Variants in GGN observed in about 807,000 individuals in gnomAD.
GGN encodes the protein gametogenetin.
Under a neutral mutation model 35.5 loss-of-function variants are expected in GGN, and 27 were observed. The ratio of observed to expected loss-of-function variants is 0.76; its 90% CI spans 0.56 to 1.05. The LOEUF (loss-of-function observed/expected upper bound fraction) is 1.05, where lower values mean the gene tolerates loss of function less well. GGN is among the 50% of genes least tolerant of loss of function. The pLI is 0.00. For missense variants in GGN, 1,006 were observed against 940.7 expected, an observed-to-expected ratio of 1.07 and a Z score of -0.91; for synonymous variants, 425 against 444.1, an observed-to-expected ratio of 0.96 and a Z score of 0.54.
rs1488954157 is a variant in GGN, at chr19:38,386,870, C to T, written c.392G>A (p.Arg131His). The T allele has an allele frequency of 6.3e-7, 1 of 1,586,310 alleles. No individual in the cohort carries two copies. The highest frequency in any genetic ancestry group is 8.6e-7 in the Non-Finnish European group (1 of 1,166,940). The stretch of plus-strand genomic sequence containing the variant: ...GAGGCTCGGAGGGTCGCCCTGGCCG[C>T]GATGGCTCGCCTCCAGCAGGCGGCG... ...RIRRLLEASHRGQGDPPSLRP... is the reference protein window; with the variant it reads ...RIRRLLEASHHGQGDPPSLRP... The change falls in exon 3 of 4, where the codon CGC becomes CAC. Residue 131 changes from arginine to histidine, a missense_variant. Coordinates refer to ENST00000334928, the MANE Select transcript of GGN (RefSeq NM_152657.4).
Position 38,386,831 on chromosome 19 carries a change from G to A in GGN, c.431C>T (p.Pro144Leu). The A allele has an allele frequency of 5.0e-6, 8 of 1,606,154 alleles. No homozygotes were observed. The highest frequency in any genetic ancestry group is 6.8e-6 in the Non-Finnish European group (8 of 1,175,930). ...GDPPSLRPLK[P>L]PPPPRQLSVK... is the part of the protein sequence containing the mutation. The stretch of plus-strand genomic sequence containing the variant: ...GGATAGTTGCCGGGGCGGCGGCGGC[G>A]GCTTCAGCGGGCGGAGGCTCGGAGG... The change falls in exon 3 of 4, where the codon CCG (proline) becomes CTG (leucine). Residue 144 changes from proline (P) to leucine (L), a missense_variant. Pro to Leu is a moderately conservative substitution (Grantham distance 98). Coordinates refer to ENST00000334928, the MANE Select transcript of GGN (RefSeq NM_152657.4).
chr19:38,386,573 G>A lies in GGN; in HGVS notation c.689C>T (p.Ala230Val). ...ACCGGACTCGGAATCCGCAGGCTGG[G>A]CCATTTCGCCTTCGCCCGCATGGGG... ...APPHAGEGEM[A>V]QPADSESGLS... is the part of the protein sequence containing the mutation. Residue 230 changes from alanine (A) to valine (V), a missense_variant, in exon 3 of 4, where the codon GCC becomes GTC. Physicochemically the swap from Ala to Val is moderately conservative, Grantham distance 64 (BLOSUM62 0). Coordinates refer to ENST00000334928, the MANE Select transcript of GGN (RefSeq NM_152657.4). 1.9e-6 allele frequency: 3 copies of A among 1,613,616 alleles called. No homozygotes were observed. Among genetic ancestry groups the A allele is most frequent in the Non-Finnish European group, 1.7e-6 (2 of 1,179,910 alleles).
upstream of GGN, among the ~76,000 whole-genome samples, chr19:38,388,234 C>T (rs1970766913): frequency 6.6e-6 from 1 of 152,160 alleles, no homozygotes; most frequent in Admixed American, 6.5e-5. Flanking sequence ...TTCTCAAGAC[C>T]CTCTCCTTCC....
chr19:38,385,744 C>T lies in GGN; in HGVS notation c.1518G>A (p.Glu506=), dbSNP rs753524931. Residue 506 remains glutamate (E), a synonymous_variant, in exon 3 of 4, where the codon GAG becomes GAA. Coordinates refer to ENST00000334928, the MANE Select transcript of GGN (RefSeq NM_152657.4). ...PSPAPAPTVA[E]PSPPVSAPAP... is the part of the protein sequence containing the mutation. ...CGGGCGCGGACACAGGCGGCGAGGGCTCAGCCACGGTGGGAGCTGGAGCCG... is the reference window on the plus strand; with the variant it reads ...CGGGCGCGGACACAGGCGGCGAGGGTTCAGCCACGGTGGGAGCTGGAGCCG... The T allele has an allele frequency of 6.2e-7, 1 of 1,601,640 alleles. No homozygotes were observed. Among genetic ancestry groups the T allele is most frequent in the East Asian group, 2.2e-5 (1 of 44,572 alleles).
rs1016193144 is a variant in GGN, at chr19:38,386,363, C to T, written c.899G>A (p.Arg300His). 11 of 1,612,742 alleles carry T rather than the reference C, an allele frequency of 6.8e-6. No individual in the cohort carries two copies. In the African/African-American group the frequency reaches 1.5e-4, roughly 22 times the overall value. Reference sequence around the variant, plus strand: ...CCCTCGAGAAACCTCTCCCAAGGGGCGAGCGGCTCCAGGAGGCAGGGGCCC... The same window carrying T: ...CCCTCGAGAAACCTCTCCCAAGGGGTGAGCGGCTCCAGGAGGCAGGGGCCC... ...KQGPLPPGAA[R>H]PLGEVSRGAQ... Residue 300 changes from arginine (R) to histidine (H), a missense_variant, in exon 3 of 4, where the codon CGC becomes CAC. Arg to His is a conservative substitution (Grantham distance 29). Transcript: ENST00000334928.
chr19:38,386,620 G>T lies in GGN; in HGVS notation c.642C>A (p.Gly214=), dbSNP rs1970729659. 6.2e-7 allele frequency: 1 copy of T among 1,612,740 alleles called. No homozygotes were observed. The highest frequency in any genetic ancestry group is 1.7e-5 in the Admixed American group (1 of 59,920). The change falls in exon 3 of 4, where the codon GGC becomes GGA. Residue 214 remains glycine (G), a synonymous_variant. Coordinates refer to ENST00000334928, the MANE Select transcript of GGN (RefSeq NM_152657.4). ...AGPRNQGQTA[G]RARGGAPPHA... ...GGGGAGGCGCCCCTCCGCGAGCCCT[G>T]CCGGCCGTCTGGCCCTGGTTGCGGG... is the stretch of plus-strand genomic sequence containing the variant.
In GGN at chr19:38,385,740, A is replaced by G. The variant is rs908555197; in HGVS notation, c.1522T>C (p.Ser508Pro). Reference sequence around the variant, plus strand: ...GGTGCGGGCGCGGACACAGGCGGCGAGGGCTCAGCCACGGTGGGAGCTGGA... The same window carrying G: ...GGTGCGGGCGCGGACACAGGCGGCGGGGGCTCAGCCACGGTGGGAGCTGGA... The part of the protein sequence containing the change: ...PAPAPTVAEP[S>P]PPVSAPAPAA... Residue 508 changes from serine (S) to proline (P), a missense_variant, in exon 3 of 4, where the codon TCG (serine) becomes CCG (proline). Physicochemically the swap from Ser to Pro is moderately conservative, Grantham distance 74. Transcript: ENST00000334928. 2.9e-5 allele frequency: 46 copies of G among 1,565,500 alleles called. No homozygotes were observed. Among genetic ancestry groups the G allele is most frequent in the Non-Finnish European group, 3.6e-5 (42 of 1,154,430 alleles).
chr19:38,385,816 A>G lies in GGN; in HGVS notation c.1446T>C (p.Pro482=). 1.3e-6 allele frequency: 2 copies of G among 1,526,360 alleles called. No homozygotes were observed. Among genetic ancestry groups the G allele is most frequent in the Non-Finnish European group, 8.7e-7 (1 of 1,143,876 alleles). 94.6% of individuals were successfully genotyped at this position (1,526,360 alleles called of 1,614,324 possible). The change falls in exon 3 of 4, where the codon CCT becomes CCC. Residue 482 remains proline, a synonymous_variant. Coordinates refer to ENST00000334928, the MANE Select transcript of GGN (RefSeq NM_152657.4). ...CGGCGGCTAAGGCTGGGGGCAGAGCAGGGGCTGCGGTGGGAGCCAGGGCTG... is the reference window on the plus strand; with the variant it reads ...CGGCGGCTAAGGCTGGGGGCAGAGCGGGGGCTGCGGTGGGAGCCAGGGCTG... ...KESALAPTAA[P]ALPPALAADQ...
At position 38,386,005 on chromosome 19, in the gene GGN, T is replaced by TG. The variant is rs757719258; in HGVS notation, c.1256dup (p.Ala420SerfsTer87). On this transcript the variant is annotated frameshift_variant, in exon 3 of 4. Transcript: ENST00000334928. LOFTEE classifies it high-confidence loss of function. The stretch of plus-strand genomic sequence containing the variant: ...GCATGGGCTCGCCATTGGTGGGTGC[T>TG]GGGAAGATGAACGTAGGCGGCGCCA... 1.9e-6 allele frequency: 3 copies of TG among 1,607,522 alleles called. No homozygotes were observed. In the Admixed American group the frequency reaches 5.1e-5, roughly 27 times the overall value.
Position 38,386,912 on chromosome 19 carries a change from G to T in GGN, c.350C>A (p.Thr117Asn). 1 of 1,554,854 alleles carries T rather than the reference G, an allele frequency of 6.4e-7. No homozygotes were observed. Among genetic ancestry groups the T allele is most frequent in the Non-Finnish European group, 8.7e-7 (1 of 1,150,456 alleles). The change falls in exon 3 of 4, where the codon ACT (threonine) becomes AAT (asparagine). Residue 117 changes from threonine (T) to asparagine (N), a missense_variant. By Grantham distance (65) the Thr-to-Asn change is moderately conservative. Coordinates refer to ENST00000334928, the MANE Select transcript of GGN (RefSeq NM_152657.4). ...GPSKWQKPAG[T>N]PVPRIRRLLE... Reference sequence around the variant, plus strand: ...CAGGCGGCGGATCCGGGGAACTGGAGTGCCCGCGGGCTTTTGCCATTTAGA... The same window carrying T: ...CAGGCGGCGGATCCGGGGAACTGGATTGCCCGCGGGCTTTTGCCATTTAGA...
chr19:38,386,850 T>G lies in GGN; in HGVS notation c.412A>C (p.Ser138Arg), dbSNP rs751720807. Residue 138 changes from serine (S) to arginine (R), a missense_variant, in exon 3 of 4, where the codon AGC becomes CGC. Physicochemically the swap from Ser to Arg is moderately radical, Grantham distance 110. Coordinates refer to ENST00000334928, the MANE Select transcript of GGN (RefSeq NM_152657.4). ...ASHRGQGDPP[S>R]LRPLKPPPPP... is the part of the protein sequence containing the mutation. ...GGCGGCGGCTTCAGCGGGCGGAGGC[T>G]CGGAGGGTCGCCCTGGCCGCGATGG... 1.1e-5 allele frequency: 18 copies of G among 1,600,752 alleles called. No homozygotes were observed. Among genetic ancestry groups the G allele is most frequent in the Non-Finnish European group, 2.6e-6 (3 of 1,173,346 alleles).
Position 38,385,677 on chromosome 19 carries a change from T to C in GGN, c.1585A>G (p.Lys529Glu). 1 of 1,613,590 alleles carries C rather than the reference T, an allele frequency of 6.2e-7. No homozygotes were observed. The highest frequency in any genetic ancestry group is 1.1e-5 in the South Asian group (1 of 91,080). ...GCGCCCCGGGCTGCACGGGAACCCTTGTTCCTGCGCGTGCGGGTCTTGATG... is the reference window on the plus strand; with the variant it reads ...GCGCCCCGGGCTGCACGGGAACCCTCGTTCCTGCGCGTGCGGGTCTTGATG... The part of the protein sequence containing the change: ...APIKTRTRRN[K>E]GSRAARGATR... The change falls in exon 3 of 4, where the codon AAG becomes GAG. Residue 529 changes from lysine to glutamate, a missense_variant. By Grantham distance (56) the Lys-to-Glu change is moderately conservative. Transcript: ENST00000334928.
chr19:38,387,214 T>G lies in GGN; in HGVS notation c.48A>C (p.Lys16Asn). ...CGGGGGCGCGGTCCGAGGGCTGCACTTTTCGGGAGCCCCCGCCCGCGGATG... is the reference window on the plus strand; with the variant it reads ...CGGGGGCGCGGTCCGAGGGCTGCACGTTTCGGGAGCCCCCGCCCGCGGATG... ...SEPSAGGGSR[K>N]VQPSDRAPDS... is the part of the protein sequence containing the mutation. The change falls in exon 3 of 4, where the codon AAA (lysine) becomes AAC (asparagine). Residue 16 changes from lysine (K) to asparagine (N), a missense_variant. Transcript: ENST00000334928. This position sits in a 1 kb window ranked among gnomAD's most constrained non-coding sequence, Gnocchi z 5.3. 1 of 1,595,782 alleles carries G rather than the reference T, an allele frequency of 6.3e-7. No individual in the cohort carries two copies. The highest frequency in any genetic ancestry group is 8.5e-7 in the Non-Finnish European group (1 of 1,172,126).
Position 38,385,501 on chromosome 19 carries a change from C to T in GGN, c.1761G>A (p.Gln587=), listed in dbSNP as rs368901864. ...TRAARHWLPF[Q]VLNSCPCKCY... ...ACTTGCAGGGACAGGAGTTAAGCAC[C>T]TGGAAGGGCAGCCAGTGGCGCGCAG... The change falls in exon 3 of 4, where the codon CAG becomes CAA. Residue 587 remains glutamine (Q), a synonymous_variant. Coordinates refer to ENST00000334928, the MANE Select transcript of GGN (RefSeq NM_152657.4). 9.3e-6 allele frequency: 15 copies of T among 1,613,984 alleles called. No homozygotes were observed. The highest frequency in any genetic ancestry group is 1.7e-5 in the Admixed American group (1 of 60,006).
rs764417532 is a variant in GGN at position 38,386,969 on chromosome 19, G to A, written c.293C>T (p.Pro98Leu). 9 of 1,541,290 alleles carry A rather than the reference G, an allele frequency of 5.8e-6. No homozygotes were observed. The highest frequency in any genetic ancestry group is 7.9e-6 in the Non-Finnish European group (9 of 1,144,028). ...EEAAAVSAPP[P>L]APAGTLLPGP... ...GGGCAGCAGAGTCCCCGCGGGGGCC[G>A]GGGGTGGTGCAGAGACCGCGGCCGC... The change falls in exon 3 of 4, where the codon CCG becomes CTG. Residue 98 changes from proline (P) to leucine (L), a missense_variant. Physicochemically the swap from Pro to Leu is moderately conservative, Grantham distance 98. Coordinates refer to ENST00000334928, the MANE Select transcript of GGN (RefSeq NM_152657.4).
Position 38,386,450 on chromosome 19 carries a change from C to T in GGN, c.812G>A (p.Gly271Asp), listed in dbSNP as rs1325032311. 1.9e-6 allele frequency: 3 copies of T among 1,612,862 alleles called. No homozygotes were observed. The highest frequency in any genetic ancestry group is 2.5e-6 in the Non-Finnish European group (3 of 1,179,990). ...SLAAKASLGG[G>D]GGGGLFAASG... ...GGCAGCAAAGAGGCCGCCGCCTCCG[C>T]CGCCCCCCAGCGAAGCTTTGGCTGC... Residue 271 changes from glycine (G) to aspartate (D), a missense_variant, in exon 3 of 4, where the codon GGC (glycine) becomes GAC (aspartate). By Grantham distance (94) the Gly-to-Asp change is moderately conservative. Coordinates refer to ENST00000334928, the MANE Select transcript of GGN (RefSeq NM_152657.4).
chr19:38,386,989 G>C lies in GGN; in HGVS notation c.273C>G (p.Ala91=). The C allele has an allele frequency of 6.5e-7, 1 of 1,537,078 alleles. No individual in the cohort carries two copies. The highest frequency in any genetic ancestry group is 8.8e-7 in the Non-Finnish European group (1 of 1,141,602). ...GGGCCGGGGGTGGTGCAGAGACCGCGGCCGCCTCTTCAGGAGGGGGCATCA... is the reference window on the plus strand; with the variant it reads ...GGGCCGGGGGTGGTGCAGAGACCGCCGCCGCCTCTTCAGGAGGGGGCATCA... ...SPVMPPPEEA[A]AVSAPPPAPA... Residue 91 remains alanine, a synonymous_variant, in exon 3 of 4, where the codon GCC becomes GCG. Coordinates refer to ENST00000334928, the MANE Select transcript of GGN (RefSeq NM_152657.4).
Position 38,387,359 on chromosome 19 carries a change from G to A in GGN, c.-19-79C>T, listed in dbSNP as rs1970752287. ...AGGCTGGCTGTACTTGATCTAATGC[G>A]TCCGCACCGGCCCCGCCCCTGTTCT... is the stretch of plus-strand genomic sequence containing the variant. On this transcript the variant is annotated intron_variant, in intron 2 of 3. Coordinates refer to ENST00000334928, the MANE Select transcript of GGN (RefSeq NM_152657.4). The surrounding 1 kb of genome is among the most constrained non-coding windows in gnomAD (Gnocchi z 5.3). 3 of 1,446,556 alleles carry A rather than the reference G, an allele frequency of 2.1e-6. No individual in the cohort carries two copies. The highest frequency in any genetic ancestry group is 5.2e-5 in the Admixed American group (2 of 38,530). 89.6% of individuals were successfully genotyped at this position (1,446,556 alleles called of 1,614,324 possible).
chr19:38,386,307 C>A lies in GGN; in HGVS notation c.955G>T (p.Gly319Cys), dbSNP rs139564518. The change falls in exon 3 of 4, where the codon GGC becomes TGC. Residue 319 changes from glycine (G) to cysteine (C), a missense_variant. Physicochemically the swap from Gly to Cys is radical, Grantham distance 159. Transcript: ENST00000334928. ...AQEAEGGDGD[G>C]EGCSGPPSAP... is the part of the protein sequence containing the mutation. ...GAGGGAGGACCAGAGCACCCTTCGC[C>A]GTCTCCATCACCTCCCTCGGCTTCC... The A allele has an allele frequency of 3.1e-6, 5 of 1,610,872 alleles. No homozygotes were observed. The highest frequency in any genetic ancestry group is 3.4e-6 in the Non-Finnish European group (4 of 1,178,534).
Sources: allele counts gnomAD v4.1 joint callset (sites outside exome capture counted in the v4.1 genomes callset), GRCh38; gene constraint gnomAD v4.1.1; non-coding constraint Gnocchi (gnomAD v3.1); transcripts MANE v1.5; gene names NCBI Gene and HGNC (gene_info 2026-07-23, HGNC 2026-07-21).